The following HECA variants were observed in gnomAD, a reference collection of about 807,000 sequenced individuals.
HECA encodes the protein HECA ribonucleoprotein granule regulator.
A neutral mutation model predicts 37.6 loss-of-function variants in HECA; 13 were observed. The observed-to-expected ratio is 0.35, with a 90% CI of 0.23 to 0.55. The LOEUF (loss-of-function observed/expected upper bound fraction) is 0.55, where lower values mean the gene tolerates loss of function less well. Among genes scored for constraint, HECA ranks in the 20% least tolerant of loss-of-function variants. The pLI is 0.90. For missense variants in HECA, 527 were observed against 701.9 expected (o/e 0.75, Z 2.82); for synonymous variants, 307 against 291.5 (o/e 1.05, Z -0.54).
rs17246237 is a variant in HECA at position 139,171,465 on chromosome 6, C to T, written c.1313-2920C>T. On this transcript the variant is annotated intron_variant, in intron 2 of 3. Coordinates refer to ENST00000367658, the MANE Select transcript of HECA (RefSeq NM_016217.3). ...TGAAGATCAGGGTGTTTAATTATTA[C>T]CAGAGAAGTTATCATTGCCACAAGT... Among the ~76,000 whole-genome samples, 968 of 152,260 alleles carry T rather than the reference C, an allele frequency of 6.4e-3. 6 individuals carry two copies. The highest frequency in any genetic ancestry group is 8.5e-3 in the Non-Finnish European group (576 of 68,016).
chr6:139,147,502 G>A (rs1055348662), intron 1 of HECA, among the ~76,000 whole-genome samples: 5 of 152,112 alleles, frequency 3.3e-5, no homozygotes, highest in Admixed American at 1.3e-4. Flanking sequence ...ATGTGTGCCT[G>A]TAGTCCCAGC....
intron 2 of HECA, among the ~76,000 whole-genome samples, chr6:139,167,688 AAACAT>A (rs878980669): frequency 6.6e-6 from 1 of 152,188 alleles, no homozygotes; most frequent in Admixed American, 6.5e-5. Flanking sequence ...AGATCCTTAT[AAACAT>A]AACAGTGAGG....
At chr6:139,138,192 G>C (rs540499701) in intron 1 of HECA, among the ~76,000 whole-genome samples, 1 of 152,076 alleles carries the variant, frequency 6.6e-6, no homozygotes, top group Non-Finnish European at 1.5e-5. Context: ...AGGGGTTTGG[G>C]AGAGGCGTTA....
At chr6:139,160,168 T>G (rs1277778984) in intron 1 of HECA, among the ~76,000 whole-genome samples, 1 of 152,202 alleles carries the variant, frequency 6.6e-6, no homozygotes, top group African/African-American at 2.4e-5. Context: ...CTGTTTATTT[T>G]AACTTGAGCA....
At chr6:139,175,104 T>C (rs1045980954) in intron 3 of HECA, among the ~76,000 whole-genome samples, 4 of 152,320 alleles carry the variant, frequency 2.6e-5, no homozygotes, top group South Asian at 4.1e-4. Flanking sequence ...GGAGGCATTG[T>C]CTCATGCTAT....
intron 1 of HECA, among the ~76,000 whole-genome samples, chr6:139,142,086 C>T (rs927531854): frequency 1.6e-4 from 24 of 151,996 alleles, no homozygotes; most frequent in Non-Finnish European, 2.5e-4. Flanking sequence ...GCCACCACAC[C>T]CGGCTAATTT....
chr6:139,145,707 G>A (rs562987278), intron 1 of HECA, among the ~76,000 whole-genome samples: 3 of 152,272 alleles, frequency 2.0e-5, no homozygotes, highest in South Asian at 4.1e-4. Context: ...GTAGGGGCTT[G>A]TATGTTATTT....
chr6:139,177,332 T>TG lies in HECA; in HGVS notation c.*231dup, dbSNP rs1261885520. On this transcript the variant is annotated 3_prime_UTR_variant, in exon 4 of 4. Coordinates refer to ENST00000367658, the MANE Select transcript of HECA (RefSeq NM_016217.3). This position sits in a 1 kb window ranked among gnomAD's most constrained non-coding sequence, Gnocchi z 4.9. ...GATGGGTAATCCTGTGCATTTGGGT[T>TG]GGGGTTCACTCTTACCAAGAATCTT... 5 of 360,124 alleles carry TG rather than the reference T, an allele frequency of 1.4e-5. No homozygotes were observed. The highest frequency in any genetic ancestry group is 1.0e-4 in the African/African-American group (5 of 48,478). 22.3% of individuals were successfully genotyped at this position (360,124 alleles called of 1,614,324 possible). A position where few individuals can be genotyped will look rare whatever the true frequency, so the allele number is the denominator to read the frequency against.
At position 139,135,394 on chromosome 6, in the gene HECA, G is replaced by T; in HGVS notation, c.-3G>T. The T allele has an allele frequency of 7.3e-7, 1 of 1,378,900 alleles. No homozygotes were observed. 85.4% of individuals were successfully genotyped at this position (1,378,900 alleles called of 1,614,324 possible). A position where few individuals can be genotyped will look rare whatever the true frequency, so the allele number is the denominator to read the frequency against. On this transcript the variant is annotated 5_prime_UTR_variant, in exon 1 of 4. Transcript: ENST00000367658. ...GGCACCTACCTGGACGCGAGCGAGC[G>T]AGATGCCCAACCCCAAAAACAGCAA...
intron 2 of HECA, 109 bp from the exon 3 acceptor site, chr6:139,174,276 A>C: frequency 7.8e-7 from 1 of 1,280,394 alleles, no homozygotes; most frequent in Non-Finnish European, 1.1e-6. Context: ...TATTTATCCA[A>C]ATGATAAAAT....
intron 2 of HECA, among the ~76,000 whole-genome samples, chr6:139,171,847 T>G (rs575383959): frequency 6.5e-4 from 99 of 152,048 alleles, no homozygotes; most frequent in Admixed American, 1.9e-3. Flanking sequence ...TTTTTTTTTT[T>G]TGTGACGGGG....
At chr6:139,136,789 C>G (rs1336659377) in intron 1 of HECA, among the ~76,000 whole-genome samples, 1 of 152,120 alleles carries the variant, frequency 6.6e-6, no homozygotes, top group Non-Finnish European at 1.5e-5. Flanking sequence ...CGCCCGCCAC[C>G]ACGCCCGGCT....
rs60943037 is a variant in HECA, at chr6:139,163,352, C to CT, written c.272-2911dup. 1.6e-3 allele frequency among the ~76,000 whole-genome samples: 227 copies of CT among 142,418 alleles called. 1 individual carries two copies. In the South Asian group the frequency reaches 0.018, roughly 12 times the overall value. The allele number at this position is 142,418 out of a possible 152,430, so 93.4% of individuals were successfully genotyped here. ...CTGGGACATTTTGCAGTTCTCCATT[C>CT]TTTTTTTTTTTTTTTTTTTTTAAAG... On this transcript the variant is annotated intron_variant, in intron 1 of 3. Transcript: ENST00000367658.
intron 1 of HECA, among the ~76,000 whole-genome samples, chr6:139,138,038 A>G (rs1774472423): frequency 6.6e-6 from 1 of 152,146 alleles, no homozygotes; most frequent in Admixed American, 6.5e-5. Context: ...CCTTAATGTG[A>G]GGAACCCCCC....
At chr6:139,159,168 G>T (rs1341623864) in intron 1 of HECA, 1 of 152,150 alleles carries the variant, frequency 6.6e-6, no homozygotes, top group Non-Finnish European at 1.5e-5. Flanking sequence ...TAGGTGATTT[G>T]CCAAAGGTCT....
intron 1 of HECA, among the ~76,000 whole-genome samples, chr6:139,153,794 G>A (rs1774681361): frequency 6.6e-6 from 1 of 152,124 alleles, no homozygotes; most frequent in African/African-American, 2.4e-5. Context: ...TCCTAAGACA[G>A]GGTATTGTCC....
intron 2 of HECA, among the ~76,000 whole-genome samples, chr6:139,171,809 C>CTTG (rs560943424): frequency 2.3e-4 from 35 of 151,268 alleles, no homozygotes; most frequent in East Asian, 1.4e-3. Context: ...TTTGTTTAAA[C>CTTG]TTGTTGTTGT....
rs1261116268 is a variant in HECA at position 139,180,396 on chromosome 6, A to T, written c.*3291A>T. ...CTGTTCTCCTGTGTCTAGGTCAGGAACTCCAGTTTGCTTTTCTGTTTTGTG... is the reference window on the plus strand; with the variant it reads ...CTGTTCTCCTGTGTCTAGGTCAGGATCTCCAGTTTGCTTTTCTGTTTTGTG... On this transcript the variant is annotated 3_prime_UTR_variant, in exon 4 of 4. Transcript: ENST00000367658. 1.3e-5 allele frequency: 2 copies of T among 152,574 alleles called. No homozygotes were observed. Among genetic ancestry groups the T allele is most frequent in the African/African-American group, 4.8e-5 (2 of 41,442 alleles). 9.5% of individuals were successfully genotyped at this position (152,574 alleles called of 1,614,324 possible). A position where few individuals can be genotyped will look rare whatever the true frequency, so the allele number is the denominator to read the frequency against.
Position 139,166,941 on chromosome 6 carries a change from C to T in HECA, c.929C>T (p.Ala310Val). Reference protein sequence around the residue: ...NAIHLEPHKKAMAGGHVFRNA... With the variant: ...NAIHLEPHKKVMAGGHVFRNA... Reference sequence around the variant, plus strand: ...ATCCATCTGGAGCCTCACAAGAAGGCCATGGCTGGGGGCCATGTGTTCAGA... The same window carrying T: ...ATCCATCTGGAGCCTCACAAGAAGGTCATGGCTGGGGGCCATGTGTTCAGA... The change falls in exon 2 of 4, where the codon GCC (alanine) becomes GTC (valine). Residue 310 changes from alanine to valine, a missense_variant. By Grantham distance (64) the Ala-to-Val change is moderately conservative. Around this residue, in one of 4 missense-constraint regions of HECA, gnomAD observed 228 missense variants for 259.8 expected, o/e 0.88. Coordinates refer to ENST00000367658, the MANE Select transcript of HECA (RefSeq NM_016217.3). The T allele has an allele frequency of 3.7e-6, 6 of 1,614,146 alleles. No individual in the cohort carries two copies. The highest frequency in any genetic ancestry group is 5.1e-6 in the Non-Finnish European group (6 of 1,180,020).
Sources: gnomAD v4.1 joint callset for allele counts (sites outside exome capture counted in the v4.1 genomes callset) on GRCh38, gnomAD v4.1.1 for gene constraint, gnomAD v4.1.1 regional missense constraint, Gnocchi (gnomAD v3.1) non-coding constraint, MANE v1.5 for transcripts, NCBI Gene and HGNC (gene_info 2026-07-23, HGNC 2026-07-21) for gene names.